The following IL1RAPL1 variants were observed in gnomAD, a reference collection of about 807,000 sequenced individuals.
The protein encoded by IL1RAPL1 is interleukin 1 receptor accessory protein like 1.
In IL1RAPL1, 3 loss-of-function variants were observed where a neutral mutation model predicts 48.4. That is an observed-to-expected ratio of 0.06 (90% CI 0.03 to 0.16). The LOEUF (loss-of-function observed/expected upper bound fraction) is 0.16, where lower values mean the gene tolerates loss of function less well. Among genes scored for constraint, IL1RAPL1 ranks in the 10% least tolerant of loss-of-function variants. The probability of loss-of-function intolerance (pLI) is 1.00; values close to 1 mark genes in which losing one functional copy is unlikely to be tolerated. For synonymous variants in IL1RAPL1, 185 were observed against 187.7 expected (o/e 0.99, Z 0.12); for missense variants, 349 against 530.6 (o/e 0.66, Z 3.36).
At chrX:29,365,478 T>C (rs370432307) in intron 3 of IL1RAPL1, among the ~76,000 whole-genome samples, 202 of 111,970 alleles carry the variant, frequency 1.8e-3, no homozygotes, top group African/African-American at 6.2e-3. Context: ...GGTGGATCAC[T>C]TGAGGCCAGG....
At chrX:29,810,086 C>A (rs1930348900) in intron 6 of IL1RAPL1, among the ~76,000 whole-genome samples, 2 of 111,465 alleles carry the variant, frequency 1.8e-5, no homozygotes, top group African/African-American at 6.5e-5. Context: ...TGTCTTTTCT[C>A]TCTTATTTTA....
chrX:29,179,536 T>A (rs986239994), intron 2 of IL1RAPL1, among the ~76,000 whole-genome samples: 4 of 111,336 alleles, frequency 3.6e-5, no homozygotes, highest in Non-Finnish European at 7.5e-5. Flanking sequence ...AAGAAAAGAC[T>A]GTAGATGTGA....
At chrX:29,743,285 A>T (rs1050131531) in intron 6 of IL1RAPL1, among the ~76,000 whole-genome samples, 3 of 107,657 alleles carry the variant, frequency 2.8e-5, no homozygotes, top group African/African-American at 1.0e-4. Context: ...TAATAAATTT[A>T]TATATAAATC....
At chrX:29,217,907 A>C (rs1362811273) in intron 2 of IL1RAPL1, among the ~76,000 whole-genome samples, 2 of 110,913 alleles carry the variant, frequency 1.8e-5, no homozygotes, top group East Asian at 5.6e-4. Flanking sequence ...AGAAGAAAGA[A>C]AAATCTGAGA....
At chrX:28,927,519 A>G (rs1042234629) in intron 2 of IL1RAPL1, among the ~76,000 whole-genome samples, 2 of 111,437 alleles carry the variant, frequency 1.8e-5, no homozygotes, top group Admixed American at 9.5e-5. Flanking sequence ...AATTATTCAT[A>G]CTTTTTATTG....
At chrX:29,663,284 A>G (rs980388527) in intron 5 of IL1RAPL1, among the ~76,000 whole-genome samples, 1 of 112,541 alleles carries the variant, frequency 8.9e-6, no homozygotes, top group African/African-American at 3.2e-5. Context: ...GGAGTGAGTC[A>G]GTGCAATTGC....
intron 5 of IL1RAPL1, among the ~76,000 whole-genome samples, chrX:29,430,914 C>T (rs1934414918): frequency 9.1e-6 from 1 of 109,928 alleles, no homozygotes; most frequent in African/African-American, 3.3e-5. Context: ...GATAACATCC[C>T]CCAAATACCA....
At chrX:29,713,633 G>A (rs1410687730) in intron 6 of IL1RAPL1, among the ~76,000 whole-genome samples, 5 of 111,348 alleles carry the variant, frequency 4.5e-5, no homozygotes, top group African/African-American at 1.3e-4. Flanking sequence ...AGCCCTTCAG[G>A]TGACTGTGAT....
At chrX:28,937,577 G>A (rs1341673745) in intron 2 of IL1RAPL1, among the ~76,000 whole-genome samples, 1 of 111,250 alleles carries the variant, frequency 9.0e-6, no homozygotes, top group Non-Finnish European at 1.9e-5. Context: ...CCTATAGCCT[G>A]GAATATGAGA....
chrX:29,552,802 C>CTTTTT (rs765234944), intron 5 of IL1RAPL1, among the ~76,000 whole-genome samples: 2 of 23,008 alleles, frequency 8.7e-5, no homozygotes, highest in African/African-American at 1.8e-4. Flanking sequence ...TTTCACTCTC[C>CTTTTT]TTTTTTTTTT....
chrX:29,008,844 C>A (rs769765034), intron 2 of IL1RAPL1, among the ~76,000 whole-genome samples: 1 of 110,657 alleles, frequency 9.0e-6, no homozygotes, highest in Admixed American at 9.6e-5. Context: ...ACAATAGTCC[C>A]CAGTTTCTAT....
intron 2 of IL1RAPL1, among the ~76,000 whole-genome samples, chrX:28,854,532 T>C (rs1456869205): frequency 1.8e-5 from 2 of 110,779 alleles, no homozygotes; most frequent in African/African-American, 6.6e-5. Context: ...GATATCAGAG[T>C]TGGAGGGTGG....
intron 1 of IL1RAPL1, among the ~76,000 whole-genome samples, chrX:28,619,713 G>T (rs1934262557): frequency 9.1e-6 from 1 of 110,330 alleles, no homozygotes. Flanking sequence ...TTTTGATTGT[G>T]TACGTTTGCT....
At chrX:29,364,263 T>C (rs946327753) in intron 3 of IL1RAPL1, among the ~76,000 whole-genome samples, 2 of 110,894 alleles carry the variant, frequency 1.8e-5, no homozygotes, top group African/African-American at 6.6e-5. Flanking sequence ...CAACCACGGA[T>C]TGAAAATATT....
At chrX:28,937,160 C>A (rs1360976821) in intron 2 of IL1RAPL1, among the ~76,000 whole-genome samples, 1 of 111,440 alleles carries the variant, frequency 9.0e-6, no homozygotes, top group East Asian at 2.8e-4. Context: ...TAAAAATTTA[C>A]TCTCTGAAAA....
intron 5 of IL1RAPL1, among the ~76,000 whole-genome samples, chrX:29,469,372 C>G (rs1934897692): frequency 8.9e-6 from 1 of 111,740 alleles, no homozygotes; most frequent in African/African-American, 3.3e-5. Context: ...GGTCAATGCA[C>G]CATCCATATT....
intron 6 of IL1RAPL1, among the ~76,000 whole-genome samples, chrX:29,700,898 C>T (rs150029412): frequency 6.3e-5 from 7 of 111,596 alleles, no homozygotes; most frequent in East Asian, 5.6e-4. Flanking sequence ...TTTGGTAAGA[C>T]GGAAAATTCC....
chrX:29,704,351 G>A (rs746963600), intron 6 of IL1RAPL1, among the ~76,000 whole-genome samples: 2 of 111,490 alleles, frequency 1.8e-5, no homozygotes, highest in South Asian at 3.8e-4. Context: ...TTGGAAGGCC[G>A]ACTAACATGT....
chrX:28,614,651 C>T (rs778792683), intron 1 of IL1RAPL1, among the ~76,000 whole-genome samples: 2 of 111,137 alleles, frequency 1.8e-5, no homozygotes, highest in South Asian at 7.6e-4. Flanking sequence ...CACGACGATA[C>T]ACAGTAGTGT....
Sources: gnomAD v4.1 joint callset for allele counts (sites outside exome capture counted in the v4.1 genomes callset) on GRCh38, gnomAD v4.1.1 for gene constraint, MANE v1.5 for transcripts, NCBI Gene and HGNC (gene_info 2026-07-23, HGNC 2026-07-21) for gene names.